Variants in F11R observed in about 807,000 individuals in gnomAD.
F11R encodes junctional adhesion molecule A.
F11R carries 27 observed loss-of-function variants against 39.3 expected under a neutral mutation model. That is an observed-to-expected ratio of 0.69 (90% confidence interval 0.51 to 0.95). F11R has a LOEUF of 0.95. F11R is among the 40% of genes least tolerant of loss of function. The probability of loss-of-function intolerance (pLI) is 0.00; values close to 1 mark genes in which losing one functional copy is unlikely to be tolerated. For missense variants in F11R, 335 were observed against 372.7 expected, an observed-to-expected ratio of 0.90 and a Z score of 0.83; for synonymous variants, 131 against 144.9, an observed-to-expected ratio of 0.90 and a Z score of 0.69.
chr1:161,000,129 C>A lies in F11R; in HGVS notation c.591+17G>T. The A allele has an allele frequency of 2.5e-6, 4 of 1,613,854 alleles. No individual in the cohort carries two copies. The highest frequency in any genetic ancestry group is 3.4e-6 in the Non-Finnish European group (4 of 1,179,780). On this transcript the variant is annotated intron_variant, in intron 5 of 9. Coordinates refer to ENST00000368026, the MANE Select transcript of F11R (RefSeq NM_016946.6). ...ACTGCATCCCCCACACATCTTTCAC[C>A]ACCACCCCATACATACCAGCTCTCC...
In F11R at chr1:161,011,592, G is replaced by A. The variant is rs182876497; in HGVS notation, c.64+9418C>T. Among the ~76,000 whole-genome samples the A allele has an allele frequency of 5.2e-3, 795 of 152,076 alleles. 3 individuals are homozygous for A. Among genetic ancestry groups the A allele is most frequent in the Non-Finnish European group, 7.7e-3 (525 of 67,984 alleles). Reference sequence around the variant, plus strand: ...AAAAATACAAAAAAATTAGCCAGGCGTAGTGGTGGGCACCTGTAATCCCAG... The same window carrying A: ...AAAAATACAAAAAAATTAGCCAGGCATAGTGGTGGGCACCTGTAATCCCAG... On this transcript the variant is annotated intron_variant, in intron 1 of 9. Coordinates refer to ENST00000368026, the MANE Select transcript of F11R (RefSeq NM_016946.6).
At position 161,001,024 on chromosome 1, in the gene F11R, G is replaced by C. The variant is rs758708124; in HGVS notation, c.237C>G (p.Ile79Met). Residue 79 changes from isoleucine to methionine, a missense_variant, in exon 3 of 10, where the codon ATC becomes ATG. Ile to Met is a conservative substitution (Grantham distance 10, BLOSUM62 1). Coordinates refer to ENST00000368026, the MANE Select transcript of F11R (RefSeq NM_016946.6). The stretch of plus-strand genomic sequence containing the variant: ...GAAGGAGGAGAAGCAACTCACCTGT[G>C]ATCTTGTTATTATAGCAAACGAGTC... ...TTRLVCYNNK[I>M]TASYEDRVTF... 1 of 1,613,528 alleles carries C rather than the reference G, an allele frequency of 6.2e-7. No homozygotes were observed. The highest frequency in any genetic ancestry group is 1.1e-5 in the South Asian group (1 of 91,060).
At position 161,001,072 on chromosome 1, in the gene F11R, C is replaced by A. The variant is rs1256653651; in HGVS notation, c.189G>T (p.Lys63Asn). The A allele has an allele frequency of 5.6e-6, 9 of 1,614,058 alleles. No homozygotes were observed. The highest frequency in any genetic ancestry group is 1.3e-5 in the African/African-American group (1 of 74,922). The change falls in exon 3 of 10, where the codon AAG becomes AAT. Residue 63 changes from lysine to asparagine, a missense_variant. Lys to Asn is a moderately conservative substitution (Grantham distance 94, BLOSUM62 0). Coordinates refer to ENST00000368026, the MANE Select transcript of F11R (RefSeq NM_016946.6). ...GTCTGGTGGTGTCTCCTTGGTCAAA[C>A]TTCCACTCCACACGGGGAGAAGAAA... The part of the protein sequence containing the change: ...SGFSSPRVEW[K>N]FDQGDTTRLV...
intron 1 of F11R, among the ~76,000 whole-genome samples, chr1:161,008,362 G>T (rs966342922): frequency 6.6e-6 from 1 of 152,022 alleles, no homozygotes; most frequent in African/African-American, 2.4e-5. Context: ...GGGCGTGGTC[G>T]CAGGCACCTG....
chr1:161,009,017 C>T (rs913810575), intron 1 of F11R, among the ~76,000 whole-genome samples: 1 of 152,198 alleles, frequency 6.6e-6, no homozygotes, highest in Non-Finnish European at 1.5e-5. Context: ...ACCCACTCTA[C>T]TGTTGCAATT....
At position 160,995,895 on chromosome 1, in the gene F11R, C is replaced by T. The variant is rs1425444394; in HGVS notation, c.*2976G>A. 1.3e-5 allele frequency: 2 copies of T among 152,330 alleles called. No homozygotes were observed. Among genetic ancestry groups the T allele is most frequent in the Non-Finnish European group, 2.9e-5 (2 of 68,034 alleles). The allele number at this position is 152,330 out of a possible 1,614,324, so 9.4% of individuals were successfully genotyped here. On this transcript the variant is annotated 3_prime_UTR_variant, in exon 10 of 10. Transcript: ENST00000368026. ...AGGAACAACAAACACATCCTTAACA[C>T]TCAATCATTTTATCCCAGATTATGC...
In F11R at chr1:161,021,021, G is replaced by A; in HGVS notation, c.53C>T (p.Ala18Val). The A allele has an allele frequency of 6.2e-7, 1 of 1,614,054 alleles. No homozygotes were observed. Among genetic ancestry groups the A allele is most frequent in the African/African-American group, 1.3e-5 (1 of 75,018 alleles). The change falls in exon 1 of 10, where the codon GCG becomes GTG. Residue 18 changes from alanine (A) to valine (V), a missense_variant. Ala to Val is a moderately conservative substitution (Grantham distance 64, BLOSUM62 0). Transcript: ENST00000368026. Reference sequence around the variant, plus strand: ...CTCTGGGAACTTACACAACAGGATCGCCAATATGAAGAGGCACAACAGTTT... The same window carrying A: ...CTCTGGGAACTTACACAACAGGATCACCAATATGAAGAGGCACAACAGTTT... The part of the protein sequence containing the change: ...ERKLLCLFIL[A>V]ILLCSLALGS...
intron 1 of F11R, among the ~76,000 whole-genome samples, chr1:161,006,473 C>T (rs1473172532): frequency 6.6e-6 from 1 of 152,202 alleles, no homozygotes; most frequent in African/African-American, 2.4e-5. Context: ...GTTCCTCCAC[C>T]ACTTCTGGTT....
intron 1 of F11R, among the ~76,000 whole-genome samples, chr1:161,012,039 T>G (rs1368604222): frequency 2.0e-5 from 3 of 152,162 alleles, no homozygotes; most frequent in Non-Finnish European, 4.4e-5. Flanking sequence ...AGTCAATACG[T>G]GTCTGCAGTT....
rs1314131473 is a variant in F11R, at chr1:160,998,560, C to T, written c.*311G>A. Reference sequence around the variant, plus strand: ...GAGTGCAGATTCCTGCGACCCCCGCCATTTTTGCTGTCTACTTAGAAGGGA... The same window carrying T: ...GAGTGCAGATTCCTGCGACCCCCGCTATTTTTGCTGTCTACTTAGAAGGGA... On this transcript the variant is annotated 3_prime_UTR_variant, in exon 10 of 10. Transcript: ENST00000368026. 5 of 534,642 alleles carry T rather than the reference C, an allele frequency of 9.4e-6. No individual in the cohort carries two copies. Among genetic ancestry groups the T allele is most frequent in the Non-Finnish European group, 3.3e-6 (1 of 301,424 alleles). 33.1% of individuals were successfully genotyped at this position (534,642 alleles called of 1,614,324 possible).
rs1233137478 is a variant in F11R, at chr1:160,999,147, C to T, written c.816-56G>A. On this transcript the variant is annotated intron_variant, in intron 8 of 9. Coordinates refer to ENST00000368026, the MANE Select transcript of F11R (RefSeq NM_016946.6). ...AGCCACCTAGGTGCTTATTAACCTCCCCTTGCCAACTTTAAAGGCCAGAAG... is the reference window on the plus strand; with the variant it reads ...AGCCACCTAGGTGCTTATTAACCTCTCCTTGCCAACTTTAAAGGCCAGAAG... The T allele has an allele frequency of 6.2e-6, 10 of 1,609,770 alleles. No individual in the cohort carries two copies. In the Admixed American group the frequency reaches 1.3e-4, roughly 22 times the overall value.
chr1:161,010,973 TAAAAAAAAA>T (rs747869704), intron 1 of F11R, among the ~76,000 whole-genome samples: 1 of 111,156 alleles, frequency 9.0e-6, no homozygotes, highest in Non-Finnish European at 1.8e-5. Context: ...GACTCCATCT[TAAAAAAAAA>T]AAAAAAAAAA....
At chr1:161,015,192 C>G (rs1176185394) in intron 1 of F11R, among the ~76,000 whole-genome samples, 2 of 151,426 alleles carry the variant, frequency 1.3e-5, no homozygotes, top group African/African-American at 2.4e-5. Flanking sequence ...GTCAGCAGAT[C>G]GAGACCATCC....
chr1:161,000,230 A>T lies in F11R; in HGVS notation c.507T>A (p.Asp169Glu), dbSNP rs775159879. The T allele has an allele frequency of 5.0e-6, 8 of 1,614,048 alleles. No individual in the cohort carries two copies. Among genetic ancestry groups the T allele is most frequent in the Non-Finnish European group, 6.8e-6 (8 of 1,180,030 alleles). ...SPPSEYTWFK[D>E]GIVMPTNPKS... ...TGGGATTCGTAGGCATCACTATCCC[A>T]TCTTTGAACCAGGTGTATTCAGAAG... Residue 169 changes from aspartate to glutamate, a missense_variant, in exon 5 of 10, where the codon GAT becomes GAA. Asp to Glu is a conservative substitution (Grantham distance 45, BLOSUM62 2). Transcript: ENST00000368026.
intron 1 of F11R, among the ~76,000 whole-genome samples, chr1:161,003,160 G>T (rs1648594426): frequency 7.4e-6 from 1 of 135,512 alleles, no homozygotes; most frequent in Non-Finnish European, 1.6e-5. Flanking sequence ...TTTCGCTCTT[G>T]TTGCCCAGGC....
In F11R at chr1:160,999,809, C is replaced by T. The variant is rs371284289; in HGVS notation, c.695-62G>A. The T allele has an allele frequency of 4.6e-5, 74 of 1,606,848 alleles. 1 individual carries two copies. The African/African-American group carries it at 8.1e-4, about 18-fold the overall frequency. On this transcript the variant is annotated intron_variant, in intron 6 of 9. Coordinates refer to ENST00000368026, the MANE Select transcript of F11R (RefSeq NM_016946.6). ...CTCACTCACGGCACCTACAGTATCA[C>T]CAATGGCAGGATGAAAAGCAGACCC...
At chr1:161,000,468 T>A in intron 4 of F11R, 120 bp from the exon 5 acceptor site, 1 of 1,402,514 alleles carries the variant, frequency 7.1e-7, no homozygotes, top group Non-Finnish European at 9.9e-7. Flanking sequence ...ACCATGCCCC[T>A]GGCTGCCACC....
chr1:161,008,546 A>G (rs1007342276), intron 1 of F11R, among the ~76,000 whole-genome samples: 1 of 152,184 alleles, frequency 6.6e-6, no homozygotes, highest in Non-Finnish European at 1.5e-5. Context: ...TACTGGATGA[A>G]GTGCTAGCAT....
At chr1:161,004,376 G>A (rs779591161) in intron 1 of F11R, among the ~76,000 whole-genome samples, 6 of 152,214 alleles carry the variant, frequency 3.9e-5, no homozygotes, top group South Asian at 4.1e-4. Flanking sequence ...CCTGGCCAAC[G>A]TGGCGAAACC....
Sources: gnomAD v4.1 joint callset for allele counts (sites outside exome capture counted in the v4.1 genomes callset) on GRCh38, gnomAD v4.1.1 for gene constraint, MANE v1.5 for transcripts, NCBI Gene and HGNC (gene_info 2026-07-23, HGNC 2026-07-21) for gene names.